The following THSD7B variants were observed in gnomAD, a reference collection of about 807,000 sequenced individuals.
The protein encoded by THSD7B is thrombospondin type 1 domain containing 7B.
A neutral mutation model predicts 213.6 loss-of-function variants in THSD7B; 138 were observed. The observed-to-expected ratio is 0.65, with a 90% CI of 0.56 to 0.74. The LOEUF (loss-of-function observed/expected upper bound fraction) is 0.74, where lower values mean the gene tolerates loss of function less well. THSD7B is among the 30% of genes least tolerant of loss of function. The pLI is 0.00. For missense variants in THSD7B, 1,931 were observed against 1,991.5 expected (o/e 0.97, Z 0.58); for synonymous variants, 742 against 687.0 (o/e 1.08, Z -1.25).
At chr2:137,232,203 G>A (rs559777452) in intron 8 of THSD7B, among the ~76,000 whole-genome samples, 2 of 152,164 alleles carry the variant, frequency 1.3e-5, no homozygotes, top group South Asian at 4.2e-4. Flanking sequence ...CTTTTTATAT[G>A]GATATAAAAA....
chr2:136,824,797 A>C (rs560341853), intron 1 of THSD7B, among the ~76,000 whole-genome samples: 1 of 152,166 alleles, frequency 6.6e-6, no homozygotes, highest in South Asian at 2.1e-4. Flanking sequence ...CTAGCTATGC[A>C]TCTTATTAAC....
At chr2:137,588,209 C>G (rs953880412) in intron 17 of THSD7B, among the ~76,000 whole-genome samples, 1 of 152,128 alleles carries the variant, frequency 6.6e-6, no homozygotes, top group African/African-American at 2.4e-5. Flanking sequence ...TGAGAGTGAC[C>G]CGATTTTCCA....
chr2:137,569,046 A>G (rs1681300162), intron 16 of THSD7B, among the ~76,000 whole-genome samples: 1 of 152,210 alleles, frequency 6.6e-6, no homozygotes, highest in Non-Finnish European at 1.5e-5. Flanking sequence ...AAATGTATTC[A>G]CAGGATTTTT....
At chr2:136,986,946 C>T (rs561122669) in intron 2 of THSD7B, among the ~76,000 whole-genome samples, 3 of 152,280 alleles carry the variant, frequency 2.0e-5, no homozygotes, top group East Asian at 1.9e-4. Flanking sequence ...AACTTGGTGC[C>T]GTCCCAGAGT....
intron 2 of THSD7B, among the ~76,000 whole-genome samples, chr2:136,887,758 C>A (rs180676040): frequency 6.6e-6 from 1 of 151,992 alleles, no homozygotes; most frequent in African/African-American, 2.4e-5. Context: ...TTGGGTATTC[C>A]TTTGAGAAAT....
chr2:137,669,778 T>C (rs1372772291), intron 27 of THSD7B, among the ~76,000 whole-genome samples: 3 of 152,230 alleles, frequency 2.0e-5, no homozygotes, highest in South Asian at 2.1e-4. Flanking sequence ...CCCCTAAGTA[T>C]TTAAAAGATT....
At chr2:137,024,171 T>C (rs1457573454) in intron 2 of THSD7B, among the ~76,000 whole-genome samples, 1 of 152,196 alleles carries the variant, frequency 6.6e-6, no homozygotes, top group African/African-American at 2.4e-5. Flanking sequence ...CCTTTTCTGT[T>C]TCTCTGTAGG....
intron 7 of THSD7B, among the ~76,000 whole-genome samples, chr2:137,216,244 T>C (rs1681239050): frequency 6.6e-6 from 1 of 150,810 alleles, no homozygotes; most frequent in Non-Finnish European, 1.5e-5. Flanking sequence ...CCAAAAGCAG[T>C]TGTCAGGGTA....
At chr2:137,203,958 C>G (rs1351106397) in intron 7 of THSD7B, among the ~76,000 whole-genome samples, 1 of 151,966 alleles carries the variant, frequency 6.6e-6, no homozygotes, top group Non-Finnish European at 1.5e-5. Context: ...ACACAGACCA[C>G]CCAGTGATAA....
At chr2:136,957,936 G>A (rs545539074) in intron 2 of THSD7B, among the ~76,000 whole-genome samples, 5 of 152,172 alleles carry the variant, frequency 3.3e-5, no homozygotes, top group African/African-American at 1.2e-4. Flanking sequence ...GATATATAAA[G>A]GTCTACAATA....
chr2:136,852,304 CAAACAAAACAAAACA>C lies in THSD7B; in HGVS notation c.-35-29808_-35-29794del, dbSNP rs70975718. Among the ~76,000 whole-genome samples the C allele has an allele frequency of 4.1e-3, 614 of 148,748 alleles. 18 individuals carry two copies. In the East Asian group the frequency reaches 0.088, roughly 21 times the overall value. On this transcript the variant is annotated intron_variant, in intron 1 of 27. Transcript: ENST00000409968. ...AAGGCAGTCCTGGGCTGAAAGCTGGCAAACAAAACAAAACAAAACAAAACAAAACAAAACAAAACA... is the reference window on the plus strand; with the variant it reads ...AAGGCAGTCCTGGGCTGAAAGCTGGCAAACAAAACAAAACAAAACAAAACA...
chr2:136,965,123 G>C (rs1442679709), intron 2 of THSD7B, among the ~76,000 whole-genome samples: 1 of 151,610 alleles, frequency 6.6e-6, no homozygotes, highest in Non-Finnish European at 1.5e-5. Flanking sequence ...TGAAATTGCT[G>C]TTGCTAAGGT....
At chr2:137,221,175 T>A (rs1385670983) in intron 7 of THSD7B, among the ~76,000 whole-genome samples, 1 of 152,092 alleles carries the variant, frequency 6.6e-6, no homozygotes, top group Non-Finnish European at 1.5e-5. Flanking sequence ...TAGTCCCAGC[T>A]ATTCGGGAGG....
intron 2 of THSD7B, among the ~76,000 whole-genome samples, chr2:136,892,733 T>C (rs1005532157): frequency 1.6e-5 from 2 of 126,546 alleles, no homozygotes; most frequent in Non-Finnish European, 3.3e-5. Flanking sequence ...TAGTTCCATG[T>C]ATGGATTTTA....
chr2:137,365,509 A>G (rs1685386793), intron 12 of THSD7B, among the ~76,000 whole-genome samples: 4 of 152,256 alleles, frequency 2.6e-5, no homozygotes, highest in Admixed American at 1.3e-4. Context: ...AAGGGCTAAT[A>G]TCCAGAATCT....
intron 1 of THSD7B, among the ~76,000 whole-genome samples, chr2:136,776,728 A>G (rs1283916160): frequency 6.6e-6 from 1 of 152,170 alleles, no homozygotes; most frequent in African/African-American, 2.4e-5. Context: ...GAAAGCCAAG[A>G]GAGGTTCAAA....
rs55814718 is a variant in THSD7B, at chr2:136,825,718, A to ATTTTTTTTTTTTTTTTTTTTTTTT, written c.-35-56410_-35-56409insTTTTTTTTTTTTTTTTTTTTTTTT. On this transcript the variant is annotated intron_variant, in intron 1 of 27. Coordinates refer to ENST00000409968, the MANE Select transcript of THSD7B (RefSeq NM_001316349.2). ...AGGTGCTCACTGCCATGCCTGGCTA[A>ATTTTTTTTTTTTTTTTTTTTTTTT]TTTTTTTTTTTTTTTTAGATCTGGG... Among the ~76,000 whole-genome samples the ATTTTTTTTTTTTTTTTTTTTTTTT allele has an allele frequency of 9.8e-4, 115 of 116,846 alleles. 12 individuals are homozygous for ATTTTTTTTTTTTTTTTTTTTTTTT. The East Asian group carries it at 0.013, about 13-fold the overall frequency. The allele number at this position is 116,846 out of a possible 152,430, so 76.7% of individuals were successfully genotyped here. A position where few individuals can be genotyped will look rare whatever the true frequency, so the allele number is the denominator to read the frequency against.
chr2:137,356,284 C>T (rs966730334), intron 12 of THSD7B, among the ~76,000 whole-genome samples: 13 of 152,134 alleles, frequency 8.5e-5, no homozygotes, highest in Non-Finnish European at 1.6e-4. Flanking sequence ...CACCAACTCA[C>T]GGGCTAGAAC....
intron 12 of THSD7B, among the ~76,000 whole-genome samples, chr2:137,323,799 A>G (rs897871895): frequency 2.6e-5 from 4 of 152,230 alleles, no homozygotes; most frequent in Non-Finnish European, 4.4e-5. Context: ...AATTTTACAG[A>G]TGAATATTCA....
Sources: allele counts gnomAD v4.1 joint callset (sites outside exome capture counted in the v4.1 genomes callset), GRCh38; gene constraint gnomAD v4.1.1; transcripts MANE v1.5; gene names NCBI Gene and HGNC (gene_info 2026-07-23, HGNC 2026-07-21).